Variants in NXPE4 observed in about 807,000 individuals in gnomAD.
NXPE4 encodes the protein NXPE family member 4.
Under a neutral mutation model 33.3 loss-of-function variants are expected in NXPE4, and 42 were observed. The observed-to-expected ratio is 1.26, with a 90% confidence interval of 0.98 to 1.63. NXPE4 has a LOEUF of 1.63. Ranked by LOEUF, NXPE4 falls within the 40% of genes most tolerant of loss-of-function variation. The pLI, the probability that NXPE4 is intolerant of heterozygous loss-of-function variation, is 0.00. For missense variants in NXPE4, 709 were observed against 647.6 expected (o/e 1.09, Z -1.03); for synonymous variants, 253 against 234.9 (o/e 1.08, Z -0.71).
the NXPE4 span, among the ~76,000 whole-genome samples, chr11:114,624,361 A>G: frequency 1.3e-5 from 2 of 151,740 alleles, no homozygotes; most frequent in Non-Finnish European, 2.9e-5. Flanking sequence ...TTATTGCCCC[A>G]GGGTAACCAC....
chr11:114,622,086 A>G, the NXPE4 span, among the ~76,000 whole-genome samples: 1 of 152,082 alleles, frequency 6.6e-6, no homozygotes, highest in East Asian at 1.9e-4. Context: ...CTGGTGGATA[A>G]TAAGTACTGC....
the NXPE4 span, among the ~76,000 whole-genome samples, chr11:114,639,176 C>T: frequency 3.3e-5 from 5 of 151,954 alleles, no homozygotes; most frequent in East Asian, 7.7e-4. Flanking sequence ...CAATGGTGGG[C>T]ACCCCTCCCC....
chr11:114,668,880 AG>A, the NXPE4 span, among the ~76,000 whole-genome samples: 1 of 152,106 alleles, frequency 6.6e-6, no homozygotes. Context: ...AAGCAACCAA[AG>A]GTATACAATA....
At chr11:114,674,074 T>C in the NXPE4 span, among the ~76,000 whole-genome samples, 1 of 147,720 alleles carries the variant, frequency 6.8e-6, no homozygotes. Flanking sequence ...CTCCAGGGGC[T>C]GGTGGACATT....
chr11:114,643,971 T>A, the NXPE4 span, among the ~76,000 whole-genome samples: 3 of 152,156 alleles, frequency 2.0e-5, no homozygotes, highest in Non-Finnish European at 4.4e-5. Flanking sequence ...CTTGAAGAGG[T>A]CCTTCATATC....
At chr11:114,666,217 TAC>T in the NXPE4 span, among the ~76,000 whole-genome samples, 1 of 152,180 alleles carries the variant, frequency 6.6e-6, no homozygotes, top group Admixed American at 6.6e-5. Context: ...ATACCTTTGC[TAC>T]CGTATAGCAG....
the NXPE4 span, among the ~76,000 whole-genome samples, chr11:114,646,244 T>G: frequency 6.6e-6 from 1 of 151,964 alleles, no homozygotes; most frequent in Non-Finnish European, 1.5e-5. Flanking sequence ...GATAGCCTTT[T>G]AAAAATATGA....
At chr11:114,661,108 G>A in the NXPE4 span, among the ~76,000 whole-genome samples, 1 of 152,056 alleles carries the variant, frequency 6.6e-6, no homozygotes, top group African/African-American at 2.4e-5. Flanking sequence ...AGAAATCAAA[G>A]AAGACATAAA....
the NXPE4 span, among the ~76,000 whole-genome samples, chr11:114,626,906 AG>A: frequency 6.6e-6 from 1 of 152,210 alleles, no homozygotes; most frequent in South Asian, 2.1e-4. Context: ...ATCAACTGGA[AG>A]AAAGGGTATC....
chr11:114,639,784 T>A, the NXPE4 span, among the ~76,000 whole-genome samples: 1 of 126,004 alleles, frequency 7.9e-6, no homozygotes, highest in East Asian at 2.2e-4. Flanking sequence ...ATATAAAATA[T>A]AATATATATT....
the NXPE4 span, among the ~76,000 whole-genome samples, chr11:114,614,659 T>C: frequency 2.0e-5 from 3 of 151,760 alleles, no homozygotes; most frequent in Non-Finnish European, 4.4e-5. Flanking sequence ...GGGTATCCAC[T>C]GTTACCCACT....
At chr11:114,636,680 T>G in the NXPE4 span, among the ~76,000 whole-genome samples, 1 of 152,088 alleles carries the variant, frequency 6.6e-6, no homozygotes, top group South Asian at 2.1e-4. Context: ...TCTCATTGAT[T>G]TCAAAGAACA....
chr11:114,586,715 C>T (rs1158040304), intron 2 of NXPE4, among the ~76,000 whole-genome samples: 1 of 152,202 alleles, frequency 6.6e-6, no homozygotes, highest in African/African-American at 2.4e-5. Flanking sequence ...CTAATTCCAG[C>T]CTCCAACAGC....
the NXPE4 span, among the ~76,000 whole-genome samples, chr11:114,614,439 G>T: frequency 2.6e-5 from 4 of 151,648 alleles, no homozygotes; most frequent in African/African-American, 9.7e-5. Context: ...GTATTGCCTC[G>T]TGGGTAACCA....
the NXPE4 span, among the ~76,000 whole-genome samples, chr11:114,651,521 G>A: frequency 6.6e-6 from 1 of 152,198 alleles, no homozygotes; most frequent in Admixed American, 6.5e-5. Context: ...GCCACAGCAT[G>A]GAAGAGAATC....
At chr11:114,625,579 G>C in the NXPE4 span, among the ~76,000 whole-genome samples, 1 of 152,166 alleles carries the variant, frequency 6.6e-6, no homozygotes, top group Non-Finnish European at 1.5e-5. Context: ...ATTGCCTCGT[G>C]GGTAACCACT....
intron 4 of NXPE4, among the ~76,000 whole-genome samples, chr11:114,580,967 T>C (rs1949131518): frequency 6.6e-6 from 1 of 152,162 alleles, no homozygotes; most frequent in Non-Finnish European, 1.5e-5. Flanking sequence ...TGATTATTAA[T>C]CAACTGAGAG....
At chr11:114,614,081 G>A in the NXPE4 span, among the ~76,000 whole-genome samples, 27,189 of 151,236 alleles carry the variant, frequency 0.18, 2,810 homozygotes, top group Non-Finnish European at 0.22. Context: ...CATAACCACT[G>A]ATACCTGGTT....
At chr11:114,672,594 A>G in the NXPE4 span, among the ~76,000 whole-genome samples, 1 of 152,086 alleles carries the variant, frequency 6.6e-6, no homozygotes, top group East Asian at 1.9e-4. Context: ...CTTTACATTT[A>G]ATGATACAAG....
Sources: allele counts gnomAD v4.1 joint callset (sites outside exome capture counted in the v4.1 genomes callset), GRCh38; gene constraint gnomAD v4.1.1; transcripts MANE v1.5; gene names NCBI Gene and HGNC (gene_info 2026-07-23, HGNC 2026-07-21).